The following USP8 variants were observed in gnomAD, a reference collection of about 807,000 sequenced individuals.
USP8 encodes ubiquitin specific peptidase 8.
USP8 carries 27 observed loss-of-function variants against 130.0 expected under a neutral mutation model. The observed-to-expected ratio is 0.21, with a 90% CI of 0.15 to 0.29. The LOEUF is 0.29. USP8 is among the 10% of genes least tolerant of loss of function. The pLI is 1.00. For missense variants in USP8, 1,029 were observed against 1,312.2 expected, an observed-to-expected ratio of 0.78 and a Z score of 3.33; for synonymous variants, 392 against 444.1, an observed-to-expected ratio of 0.88 and a Z score of 1.48.
intron 7 of USP8, chr15:50,466,810 CTA>C: frequency 3.5e-6 from 1 of 285,618 alleles, no homozygotes; most frequent in Non-Finnish European, 6.9e-6. Flanking sequence ...GAATCACTCT[CTA>C]TGAGCCACAG....
At chr15:50,432,232 A>T (rs149762749) in intron 1 of USP8, 1 of 152,224 alleles carries the variant, frequency 6.6e-6, no homozygotes. Context: ...TCAGATGTGC[A>T]CCACTACGCC....
chr15:50,454,976 T>TC (rs1555385785), intron 4 of USP8, among the ~76,000 whole-genome samples: 4 of 151,770 alleles, frequency 2.6e-5, no homozygotes, highest in East Asian at 2.0e-4. Flanking sequence ...GGTCTTTCTG[T>TC]GTTGCCCAGG....
chr15:50,475,130 A>G (rs931094299), intron 8 of USP8, among the ~76,000 whole-genome samples: 5 of 152,190 alleles, frequency 3.3e-5, no homozygotes, highest in Admixed American at 1.3e-4. Context: ...ACATTTAACT[A>G]TGTTTAAAAA....
At position 50,492,715 on chromosome 15, in the gene USP8, C is replaced by A. The variant is rs756244075; in HGVS notation, c.2249C>A (p.Pro750His). ...TTCTTCCTCAGGCCAACATGTTATCCTAAAGCTGAGATCTCAAGGCTTTCT... is the reference window on the plus strand; with the variant it reads ...TTCTTCCTCAGGCCAACATGTTATCATAAAGCTGAGATCTCAAGGCTTTCT... ...VNRENKPTCY[P>H]KAEISRLSAS... Residue 750 changes from proline (P) to histidine (H), a missense_variant, in exon 15 of 20, where the codon CCT becomes CAT. Transcript: ENST00000307179. The A allele has an allele frequency of 6.2e-7, 1 of 1,613,784 alleles. No homozygotes were observed. The highest frequency in any genetic ancestry group is 8.5e-7 in the Non-Finnish European group (1 of 1,180,002).
At chr15:50,494,997 C>G (rs997363641) in intron 16 of USP8, among the ~76,000 whole-genome samples, 2 of 143,808 alleles carry the variant, frequency 1.4e-5, no homozygotes, top group African/African-American at 2.6e-5. Flanking sequence ...CCAGCCTGGG[C>G]GACAGAGTGA....
Position 50,502,054 on chromosome 15 carries a change from A to G in USP8, c.*2966A>G, listed in dbSNP as rs899156191. The G allele has an allele frequency of 6.6e-6, 1 of 152,206 alleles. No homozygotes were observed. The highest frequency in any genetic ancestry group is 1.5e-5 in the Non-Finnish European group (1 of 68,034). 9.4% of individuals were successfully genotyped at this position (152,206 alleles called of 1,614,324 possible). A position where few individuals can be genotyped will look rare whatever the true frequency, so the allele number is the denominator to read the frequency against. ...TAAAATATTTACTGTTTGGCCTTTAACAGAATAAGTTTGCTGACCTCTGCT... is the reference window on the plus strand; with the variant it reads ...TAAAATATTTACTGTTTGGCCTTTAGCAGAATAAGTTTGCTGACCTCTGCT... On this transcript the variant is annotated 3_prime_UTR_variant, in exon 20 of 20. Coordinates refer to ENST00000307179, the MANE Select transcript of USP8 (RefSeq NM_005154.5).
chr15:50,483,357 T>C (rs2051841994), intron 11 of USP8, among the ~76,000 whole-genome samples: 1 of 152,238 alleles, frequency 6.6e-6, no homozygotes, highest in Non-Finnish European at 1.5e-5. Context: ...ACATCTAAGA[T>C]TGCATTCTTT....
chr15:50,448,329 T>G (rs2050506930), intron 3 of USP8, among the ~76,000 whole-genome samples: 1 of 152,166 alleles, frequency 6.6e-6, no homozygotes, highest in South Asian at 2.1e-4. Flanking sequence ...TTTAACTGAC[T>G]TAACTAACTA....
chr15:50,487,200 G>GA (rs770301172), intron 12 of USP8, among the ~76,000 whole-genome samples: 5 of 150,062 alleles, frequency 3.3e-5, no homozygotes, highest in Non-Finnish European at 7.4e-5. Flanking sequence ...AATAAAAACA[G>GA]AAAAAAACAC....
intron 16 of USP8, 36 bp downstream of exon 16, chr15:50,494,316 T>A: frequency 1.3e-6 from 2 of 1,553,900 alleles, no homozygotes; most frequent in Non-Finnish European, 1.7e-6. Flanking sequence ...GCAGAGACTC[T>A]TTAGGGTTGC....
chr15:50,484,519 G>A (rs2051886367), intron 12 of USP8, among the ~76,000 whole-genome samples, 158 bp downstream of exon 12: 1 of 152,190 alleles, frequency 6.6e-6, no homozygotes, highest in African/African-American at 2.4e-5. Context: ...GTTTTTGCAT[G>A]ATCAATCCAT....
rs758528623 is a variant in USP8 at position 50,496,119 on chromosome 15, G to A, written c.2895+35G>A. ...AGAAGTAGAGAGAAAATGATTTATT[G>A]GATAAAAATGCTGTTTTTATGGATA... On this transcript the variant is annotated intron_variant, in intron 17 of 19. Coordinates refer to ENST00000307179, the MANE Select transcript of USP8 (RefSeq NM_005154.5). 1.3e-5 allele frequency: 20 copies of A among 1,492,494 alleles called. No homozygotes were observed. In the South Asian group the frequency reaches 2.1e-4, roughly 15 times the overall value. The allele number at this position is 1,492,494 out of a possible 1,614,324, so 92.5% of individuals were successfully genotyped here.
chr15:50,440,722 G>C (rs531013863), intron 2 of USP8, among the ~76,000 whole-genome samples: 1 of 152,234 alleles, frequency 6.6e-6, no homozygotes, highest in South Asian at 2.1e-4. Flanking sequence ...CGCAACCTTG[G>C]CTAGGCGCGG....
intron 1 of USP8, among the ~76,000 whole-genome samples, chr15:50,436,620 C>A (rs111400168): frequency 0.15 from 22,291 of 151,952 alleles, 2,045 homozygotes; most frequent in Middle Eastern, 0.28. Flanking sequence ...ACTTCAGCCT[C>A]CTGAGTAGCT....
At chr15:50,448,225 A>C (rs1444963197) in intron 3 of USP8, among the ~76,000 whole-genome samples, 1 of 152,158 alleles carries the variant, frequency 6.6e-6, no homozygotes, top group Non-Finnish European at 1.5e-5. Context: ...TCTTTTTACA[A>C]ATTATGATTA....
chr15:50,495,660 AAGTG>A (rs1397661238), intron 16 of USP8, among the ~76,000 whole-genome samples, 184 bp from the exon 17 acceptor site: 2 of 152,076 alleles, frequency 1.3e-5, no homozygotes, highest in East Asian at 1.9e-4. Context: ...TCCTTCAATA[AAGTG>A]AGTGAGTTTT....
At chr15:50,478,507 G>A (rs907392889) in intron 10 of USP8, among the ~76,000 whole-genome samples, 2 of 152,032 alleles carry the variant, frequency 1.3e-5, no homozygotes, top group African/African-American at 4.8e-5. Context: ...GTAATTTTTT[G>A]TTATAAACTG....
intron 4 of USP8, among the ~76,000 whole-genome samples, chr15:50,453,020 A>T (rs1253770379): frequency 6.6e-6 from 1 of 152,202 alleles, no homozygotes. Context: ...TGAGATAGGC[A>T]GGAAAGTGGT....
intron 18 of USP8, chr15:50,497,745 CT>C (rs2052473393): frequency 6.6e-6 from 1 of 152,120 alleles, no homozygotes; most frequent in East Asian, 1.9e-4. Flanking sequence ...CGAACCAGAT[CT>C]TTTGCTGATT....
Sources: allele counts gnomAD v4.1 joint callset (sites outside exome capture counted in the v4.1 genomes callset), GRCh38; gene constraint gnomAD v4.1.1; transcripts MANE v1.5; gene names NCBI Gene and HGNC (gene_info 2026-07-23, HGNC 2026-07-21).